The following SAMD3 variants were observed in gnomAD, a reference collection of about 807,000 sequenced individuals.
The protein encoded by SAMD3 is sterile alpha motif domain containing 3.
In SAMD3, 63 loss-of-function variants were observed where a neutral mutation model predicts 58.5. The observed-to-expected ratio is 1.08, with a 90% CI of 0.88 to 1.33. The LOEUF is 1.33. SAMD3 is among the 40% of genes most tolerant of loss of function. The probability of loss-of-function intolerance (pLI) is 0.00; values close to 1 mark genes in which losing one functional copy is unlikely to be tolerated. For missense variants in SAMD3, 604 were observed against 608.4 expected (o/e 0.99, Z 0.08); for synonymous variants, 220 against 210.3 (o/e 1.05, Z -0.40).
chr6:130,222,036 AC>A (rs1011696847), intron 1 of SAMD3, among the ~76,000 whole-genome samples: 11 of 152,322 alleles, frequency 7.2e-5, no homozygotes, highest in Admixed American at 6.5e-4. Flanking sequence ...ATAAAGTGGC[AC>A]AACTTGCCCT....
At chr6:130,304,367 A>T (rs1443606618) in intron 2 of SAMD3, among the ~76,000 whole-genome samples, 1 of 152,142 alleles carries the variant, frequency 6.6e-6, no homozygotes, top group South Asian at 2.1e-4. Flanking sequence ...ACAGGGTTTC[A>T]CCATGTTGGC....
intron 1 of SAMD3, among the ~76,000 whole-genome samples, chr6:130,317,384 T>C (rs1227924270): frequency 6.6e-6 from 1 of 152,226 alleles, no homozygotes; most frequent in East Asian, 1.9e-4. Flanking sequence ...CTTATTGTTC[T>C]AGGCACTGGG....
At chr6:130,190,461 T>A (rs1415553549) in intron 5 of SAMD3, among the ~76,000 whole-genome samples, 1 of 152,114 alleles carries the variant, frequency 6.6e-6, no homozygotes, top group Non-Finnish European at 1.5e-5. Context: ...TAGGCCAGAA[T>A]GACTGAAATG....
chr6:130,154,711 AAAAAAAAATATAT>A (rs1214893580), intron 9 of SAMD3, 101 bp downstream of exon 9: 1,869 of 126,684 alleles, frequency 0.015, 20 homozygotes, highest in African/African-American at 0.064. Flanking sequence ...AAAAAAAAAA[AAAAAAAAATATAT>A]ATATATATAT....
chr6:130,346,713 A>G (rs563452551), intron 1 of SAMD3, among the ~76,000 whole-genome samples: 4 of 152,328 alleles, frequency 2.6e-5, no homozygotes, highest in African/African-American at 9.6e-5. Context: ...TCCCTGTCTG[A>G]CAGCTTTGAA....
intron 8 of SAMD3, among the ~76,000 whole-genome samples, chr6:130,171,477 A>G (rs1791236897): frequency 1.3e-5 from 2 of 152,278 alleles, no homozygotes; most frequent in South Asian, 4.1e-4. Context: ...TTTACCCAGT[A>G]TCATTCAGGA....
At chr6:130,245,773 G>A (rs1773521320) in intron 2 of SAMD3, among the ~76,000 whole-genome samples, 1 of 152,200 alleles carries the variant, frequency 6.6e-6, no homozygotes, top group Non-Finnish European at 1.5e-5. Flanking sequence ...GATGCCAACT[G>A]AGGTAGCTAC....
chr6:130,215,678 C>T, intron 2 of SAMD3: 1 of 1,432,538 alleles, frequency 7.0e-7, no homozygotes, highest in Non-Finnish European at 9.1e-7. Context: ...TACCAGGCTC[C>T]TCAGGAAGTG....
intron 1 of SAMD3, among the ~76,000 whole-genome samples, chr6:130,338,031 C>T (rs552419948): frequency 2.0e-5 from 3 of 152,226 alleles, no homozygotes; most frequent in Non-Finnish European, 4.4e-5. Context: ...TTCACAGCAG[C>T]CCTTCCCATC....
At chr6:130,244,726 C>T (rs867803240) in intron 2 of SAMD3, among the ~76,000 whole-genome samples, 13 of 146,138 alleles carry the variant, frequency 8.9e-5, no homozygotes, top group South Asian at 2.1e-4. Flanking sequence ...GGTGACAGGA[C>T]GAGCCTGTCT....
At chr6:130,176,163 T>G in intron 7 of SAMD3, 155 bp from the exon 8 acceptor site, 1 of 703,018 alleles carries the variant, frequency 1.4e-6, no homozygotes, top group Non-Finnish European at 2.5e-6. Context: ...TCCTTCCTTT[T>G]ATCCTCACAG....
At chr6:130,308,087 C>G (rs1012820330) in intron 2 of SAMD3, among the ~76,000 whole-genome samples, 53 of 152,256 alleles carry the variant, frequency 3.5e-4, no homozygotes, top group Admixed American at 2.5e-3. Context: ...CTCTCACATT[C>G]TGATGCACAT....
At chr6:130,282,820 G>C (rs1041145838) in intron 2 of SAMD3, among the ~76,000 whole-genome samples, 2 of 152,130 alleles carry the variant, frequency 1.3e-5, no homozygotes, top group African/African-American at 4.8e-5. Context: ...AAAGAGATTG[G>C]TATAAAAATT....
At chr6:130,299,895 C>G (rs1775688554) in intron 2 of SAMD3, among the ~76,000 whole-genome samples, 1 of 152,062 alleles carries the variant, frequency 6.6e-6, no homozygotes, top group Non-Finnish European at 1.5e-5. Context: ...TGAAACCTCC[C>G]AAGAGTGAAC....
chr6:130,287,431 A>G lies in SAMD3; in HGVS notation c.-188+25547T>C, dbSNP rs1198346810. ...AAATACTTGAATGGGAGGAACAAAA[A>G]GGGGAAAAGCAGAATAAATAACTAT... On this transcript the variant is annotated intron_variant, in intron 2 of 13. Coordinates refer to the SAMD3 transcript ENST00000368134. Among the ~76,000 whole-genome samples the G allele has an allele frequency of 3.3e-5, 5 of 152,340 alleles. No individual in the cohort carries two copies. The East Asian group carries it at 9.6e-4, about 29-fold the overall frequency.
At chr6:130,348,087 T>C (rs1351108233) in intron 1 of SAMD3, among the ~76,000 whole-genome samples, 4 of 151,944 alleles carry the variant, frequency 2.6e-5, no homozygotes, top group East Asian at 3.9e-4. Context: ...GCACTAAACA[T>C]GGAAAGGAAC....
rs556208417 is a variant in SAMD3, at chr6:130,276,031, T to TG, written c.-188+36946dup. Reference sequence around the variant, plus strand: ...GGGGAAAATTTTCCTGGTGGGCTTATGTAATCTAGGTGGGCTTAATGTAAT... The same window carrying TG: ...GGGGAAAATTTTCCTGGTGGGCTTATGGTAATCTAGGTGGGCTTAATGTAAT... On this transcript the variant is annotated intron_variant, in intron 2 of 13. Coordinates refer to the SAMD3 transcript ENST00000368134. Among the ~76,000 whole-genome samples the TG allele has an allele frequency of 4.7e-4, 71 of 152,286 alleles. No homozygotes were observed. In the East Asian group the frequency reaches 0.01, roughly 22 times the overall value.
chr6:130,213,983 C>G (rs535116572), intron 4 of SAMD3, among the ~76,000 whole-genome samples: 10 of 152,030 alleles, frequency 6.6e-5, no homozygotes, highest in Non-Finnish European at 1.3e-4. Flanking sequence ...AGCAAAGAAG[C>G]AATCAAGATG....
At chr6:130,272,524 A>C (rs1021976001) in intron 2 of SAMD3, among the ~76,000 whole-genome samples, 1 of 152,234 alleles carries the variant, frequency 6.6e-6, no homozygotes, top group Non-Finnish European at 1.5e-5. Flanking sequence ...GGAAATAATT[A>C]GAGAGCCAGG....
Sources: gnomAD v4.1 joint callset for allele counts (sites outside exome capture counted in the v4.1 genomes callset) on GRCh38, gnomAD v4.1.1 for gene constraint, MANE v1.5 for transcripts, NCBI Gene and HGNC (gene_info 2026-07-23, HGNC 2026-07-21) for gene names.